Variants in AFAP1 observed in about 807,000 individuals in gnomAD.
AFAP1 encodes actin filament associated protein 1.
A neutral mutation model predicts 93.9 loss-of-function variants in AFAP1; 75 were observed. The observed-to-expected ratio is 0.80, with a 90% CI of 0.66 to 0.97. AFAP1 has a LOEUF of 0.97. AFAP1 is among the 50% of genes least tolerant of loss of function. The probability of loss-of-function intolerance (pLI) is 0.00; values close to 1 mark genes in which losing one functional copy is unlikely to be tolerated. For synonymous variants in AFAP1, 517 were observed against 430.7 expected, an observed-to-expected ratio of 1.20 and a Z score of -2.48; for missense variants, 1,201 against 1,050.8, an observed-to-expected ratio of 1.14 and a Z score of -1.98.
At chr4:7,819,340 A>C (rs1218011124) in intron 6 of AFAP1, among the ~76,000 whole-genome samples, 169 bp from the exon 7 acceptor site, 1 of 152,202 alleles carries the variant, frequency 6.6e-6, no homozygotes, top group Non-Finnish European at 1.5e-5. Flanking sequence ...TCACTCACCC[A>C]TGCATTCATT....
intron 1 of AFAP1, among the ~76,000 whole-genome samples, chr4:7,900,650 T>C (rs1366549290): frequency 7.9e-5 from 12 of 152,188 alleles, no homozygotes; most frequent in East Asian, 1.9e-4. Context: ...CACCACACAA[T>C]TGGCTTCTGA....
rs143360501 is a variant in AFAP1 at position 7,886,974 on chromosome 4, C to T, written c.-2-14894G>A. 6.4e-3 allele frequency among the ~76,000 whole-genome samples: 982 copies of T among 152,324 alleles called. 2 individuals are homozygous for T. The highest frequency in any genetic ancestry group is 9.2e-3 in the Non-Finnish European group (626 of 68,032). ...AAGACAAGTGAGATGTTACCCCTGACATCCAAGGGCTCACAACCTAGAACA... is the reference window on the plus strand; with the variant it reads ...AAGACAAGTGAGATGTTACCCCTGATATCCAAGGGCTCACAACCTAGAACA... On this transcript the variant is annotated intron_variant, in intron 1 of 17. Coordinates refer to ENST00000420658, the MANE Select transcript of AFAP1 (RefSeq NM_001134647.2).
intron 6 of AFAP1, among the ~76,000 whole-genome samples, chr4:7,836,770 G>A (rs1462797993): frequency 2.6e-5 from 4 of 151,636 alleles, no homozygotes; most frequent in South Asian, 2.1e-4. Flanking sequence ...TTTTTGGAGC[G>A]ACGAAATTCA....
chr4:7,813,626 C>A (rs987322643), intron 8 of AFAP1, among the ~76,000 whole-genome samples: 2 of 152,160 alleles, frequency 1.3e-5, no homozygotes, highest in Non-Finnish European at 2.9e-5. Flanking sequence ...TATTTCAGGG[C>A]AAAACTTAAA....
At chr4:7,767,239 G>A (rs1391428633) in intron 17 of AFAP1, among the ~76,000 whole-genome samples, 1 of 152,182 alleles carries the variant, frequency 6.6e-6, no homozygotes, top group Non-Finnish European at 1.5e-5. Context: ...TGCATCTGAG[G>A]TGGCCCAGGA....
intron 1 of AFAP1, among the ~76,000 whole-genome samples, chr4:7,933,149 C>T (rs1000522716): frequency 3.3e-5 from 5 of 152,108 alleles, no homozygotes; most frequent in African/African-American, 7.2e-5. Context: ...GATTGGTAAC[C>T]GCGGTGGGAG....
chr4:7,801,659 G>C (rs999345973), intron 9 of AFAP1, among the ~76,000 whole-genome samples: 4 of 151,970 alleles, frequency 2.6e-5, no homozygotes, highest in Non-Finnish European at 5.9e-5. Flanking sequence ...GGAAGTACCA[G>C]ATTCCTAACT....
At chr4:7,926,347 T>G (rs990338393) in intron 1 of AFAP1, among the ~76,000 whole-genome samples, 7 of 152,198 alleles carry the variant, frequency 4.6e-5, no homozygotes, top group African/African-American at 1.4e-4. Context: ...AACGCAGTTA[T>G]CAGCAGTAAA....
intron 6 of AFAP1, among the ~76,000 whole-genome samples, chr4:7,829,405 A>G (rs1721699690): frequency 6.6e-6 from 1 of 152,184 alleles, no homozygotes; most frequent in African/African-American, 2.4e-5. Flanking sequence ...ATTTTCTCTG[A>G]TATCCTACCA....
Position 7,915,960 on chromosome 4 carries a change from G to A in AFAP1, c.-3+23696C>T, listed in dbSNP as rs183088429. ...GGTGGAAAAATAGGAGGGAGAGGAC[G>A]GGAAAGAAAAGCAGCCAGTCACAAG... On this transcript the variant is annotated intron_variant, in intron 1 of 17. Coordinates refer to ENST00000420658, the MANE Select transcript of AFAP1 (RefSeq NM_001134647.2). Among the ~76,000 whole-genome samples the A allele has an allele frequency of 1.9e-3, 288 of 152,252 alleles. 2 individuals carry two copies. The highest frequency in any genetic ancestry group is 1.8e-3 in the Non-Finnish European group (124 of 68,016).
intron 1 of AFAP1, among the ~76,000 whole-genome samples, chr4:7,911,143 G>T (rs1313759419): frequency 1.3e-5 from 2 of 152,146 alleles, no homozygotes; most frequent in East Asian, 3.9e-4. Context: ...GAAAGACTTG[G>T]CAAGTTACCA....
intron 17 of AFAP1, among the ~76,000 whole-genome samples, chr4:7,764,190 A>G (rs988227771): frequency 2.0e-5 from 3 of 152,240 alleles, no homozygotes; most frequent in Non-Finnish European, 4.4e-5. Flanking sequence ...GCCGATGACA[A>G]AAGGATAAAT....
At chr4:7,905,917 C>G (rs1008644346) in intron 1 of AFAP1, among the ~76,000 whole-genome samples, 1 of 152,208 alleles carries the variant, frequency 6.6e-6, no homozygotes, top group Non-Finnish European at 1.5e-5. Context: ...CCGGGAAGAG[C>G]ACCTTCCGCA....
At chr4:7,883,687 G>C (rs969062970) in intron 1 of AFAP1, among the ~76,000 whole-genome samples, 6 of 152,144 alleles carry the variant, frequency 3.9e-5, no homozygotes, top group African/African-American at 1.4e-4. Flanking sequence ...ATAGCTAGAA[G>C]ATATCATGGA....
At chr4:7,819,787 G>T (rs1720806443) in intron 6 of AFAP1, among the ~76,000 whole-genome samples, 1 of 152,214 alleles carries the variant, frequency 6.6e-6, no homozygotes, top group Admixed American at 6.5e-5. Context: ...GCATTTCAAG[G>T]AGAGGAGGGA....
At chr4:7,884,172 C>A (rs1437424766) in intron 1 of AFAP1, among the ~76,000 whole-genome samples, 4 of 152,180 alleles carry the variant, frequency 2.6e-5, no homozygotes, top group African/African-American at 9.7e-5. Flanking sequence ...CCTTCACCTT[C>A]CACCATGACT....
At chr4:7,803,372 A>C (rs1174077967) in intron 9 of AFAP1, among the ~76,000 whole-genome samples, 2 of 152,224 alleles carry the variant, frequency 1.3e-5, no homozygotes, top group Non-Finnish European at 2.9e-5. Context: ...CAAGAATTGA[A>C]ATGCCAGTGA....
At chr4:7,876,473 T>C (rs898036647) in intron 1 of AFAP1, among the ~76,000 whole-genome samples, 2 of 152,340 alleles carry the variant, frequency 1.3e-5, no homozygotes, top group South Asian at 2.1e-4. Context: ...GGATGGTCTC[T>C]TGAACTGAAA....
intron 16 of AFAP1, among the ~76,000 whole-genome samples, chr4:7,770,585 C>CT (rs1026189270): frequency 3.5e-4 from 53 of 152,130 alleles, no homozygotes; most frequent in East Asian, 1.4e-3. Context: ...GCAGAACCTT[C>CT]TTTTTTTTAA....
Sources: allele counts gnomAD v4.1 joint callset (sites outside exome capture counted in the v4.1 genomes callset), GRCh38; gene constraint gnomAD v4.1.1; transcripts MANE v1.5; gene names NCBI Gene and HGNC (gene_info 2026-07-23, HGNC 2026-07-21).